The following CSMD3 variants were observed in gnomAD, a reference collection of about 807,000 sequenced individuals.
CSMD3 encodes CUB and Sushi multiple domains 3, also known as CUB and sushi domain-containing protein 3.
In CSMD3, 177 loss-of-function variants were observed where a neutral mutation model predicts 435.2. That is an observed-to-expected ratio of 0.41 (90% CI 0.36 to 0.46). The LOEUF (loss-of-function observed/expected upper bound fraction) is 0.46, where lower values mean the gene tolerates loss of function less well. Among genes scored for constraint, CSMD3 ranks in the 20% least tolerant of loss-of-function variants. The pLI is 0.34. For missense variants in CSMD3, 4,265 were observed against 4,504.6 expected (o/e 0.95, Z 1.52); for synonymous variants, 1,656 against 1,520.5 (o/e 1.09, Z -2.07).
intron 32 of CSMD3, among the ~76,000 whole-genome samples, chr8:112,435,895 T>G (rs1814281670): frequency 6.6e-6 from 1 of 152,006 alleles, no homozygotes; most frequent in African/African-American, 2.4e-5. Context: ...TGAAAAGATG[T>G]TTTCATTTTT....
intron 45 of CSMD3, among the ~76,000 whole-genome samples, chr8:112,328,422 AG>A (rs1301621405): frequency 2.0e-5 from 3 of 152,232 alleles, no homozygotes; most frequent in African/African-American, 7.2e-5. Flanking sequence ...GTGTTCCAGC[AG>A]GGTTTAAATT....
chr8:112,396,789 A>G (rs1406426481), intron 35 of CSMD3, among the ~76,000 whole-genome samples: 1 of 152,202 alleles, frequency 6.6e-6, no homozygotes, highest in Non-Finnish European at 1.5e-5. Flanking sequence ...CAAAAATTAT[A>G]CATAATACAG....
intron 6 of CSMD3, among the ~76,000 whole-genome samples, chr8:112,981,017 G>A (rs1313836418): frequency 1.3e-5 from 2 of 151,230 alleles, no homozygotes; most frequent in African/African-American, 4.8e-5. Context: ...CTGACTAGGA[G>A]AATTTTAAGT....
intron 45 of CSMD3, among the ~76,000 whole-genome samples, chr8:112,322,016 G>A (rs903885339): frequency 3.9e-5 from 6 of 152,094 alleles, no homozygotes; most frequent in African/African-American, 1.4e-4. Context: ...GAAGATAGGG[G>A]GAGCCTAAAC....
intron 1 of CSMD3, among the ~76,000 whole-genome samples, chr8:113,337,134 TATTTA>T (rs1238163207): frequency 6.6e-6 from 1 of 152,144 alleles, no homozygotes; most frequent in Admixed American, 6.6e-5. Flanking sequence ...GTTACTGGCT[TATTTA>T]AGCCTGAGAC....
chr8:112,419,954 T>A (rs190646083), intron 32 of CSMD3, among the ~76,000 whole-genome samples: 2 of 152,334 alleles, frequency 1.3e-5, no homozygotes, highest in African/African-American at 4.8e-5. Context: ...ATAAAAAGTT[T>A]AAAGTGTTCA....
chr8:113,081,670 G>T (rs1261724966), intron 5 of CSMD3, among the ~76,000 whole-genome samples: 5 of 151,988 alleles, frequency 3.3e-5, no homozygotes, highest in Admixed American at 2.6e-4. Flanking sequence ...ACTACATCTT[G>T]CCCTGGGGCT....
At chr8:112,380,312 G>C (rs1387091645) in intron 38 of CSMD3, 40 bp downstream of exon 38, 1 of 1,075,118 alleles carries the variant, frequency 9.3e-7, no homozygotes, top group Admixed American at 1.7e-5. Context: ...ATATAAACTT[G>C]TTCTTAACCT....
rs558416598 is a variant in CSMD3, at chr8:112,580,606, GGT to G, written c.3885+6458_3885+6459del. Reference sequence around the variant, plus strand: ...TCCTGAGCCAGCCACATGGAATTCTGGTGTAACTCAGTGTCATATACAGAGTA... The same window carrying G: ...TCCTGAGCCAGCCACATGGAATTCTGGTAACTCAGTGTCATATACAGAGTA... On this transcript the variant is annotated intron_variant, in intron 23 of 70. Coordinates refer to ENST00000297405, the MANE Select transcript of CSMD3 (RefSeq NM_198123.2). Among the ~76,000 whole-genome samples the G allele has an allele frequency of 3.7e-3, 557 of 151,760 alleles. 3 individuals carry two copies. Among genetic ancestry groups the G allele is most frequent in the Non-Finnish European group, 5.6e-3 (383 of 67,928 alleles).
chr8:112,224,402 T>C lies in CSMD3; in HGVS notation c.*369A>G, dbSNP rs1812388402. ...CTCTTGTAAGTATAGCTCTTATTTC[T>C]ACCCTATATCTTTTTTTTTAAACCC... On this transcript the variant is annotated 3_prime_UTR_variant, in exon 71 of 71. Transcript: ENST00000297405. 6 of 301,856 alleles carry C rather than the reference T, an allele frequency of 2.0e-5. No homozygotes were observed. Among genetic ancestry groups the C allele is most frequent in the South Asian group, 2.0e-4 (6 of 30,626 alleles). 18.7% of individuals were successfully genotyped at this position (301,856 alleles called of 1,614,324 possible). A position where few individuals can be genotyped will look rare whatever the true frequency, so the allele number is the denominator to read the frequency against.
intron 4 of CSMD3, among the ~76,000 whole-genome samples, chr8:113,107,461 G>T (rs2090513668): frequency 6.6e-6 from 1 of 152,152 alleles, no homozygotes; most frequent in African/African-American, 2.4e-5. Context: ...TTGGTTCTAG[G>T]ATCTATTATG....
chr8:112,379,719 C>G (rs1829294631), intron 38 of CSMD3, among the ~76,000 whole-genome samples: 1 of 152,096 alleles, frequency 6.6e-6, no homozygotes, highest in Admixed American at 6.5e-5. Flanking sequence ...CCAAAGAATT[C>G]TGGAGCAAGA....
At chr8:113,393,010 T>G (rs74341057) in intron 1 of CSMD3, among the ~76,000 whole-genome samples, 1 of 151,706 alleles carries the variant, frequency 6.6e-6, no homozygotes, top group Non-Finnish European at 1.5e-5. Context: ...TACACATGTG[T>G]TTTTTTACAT....
chr8:112,430,896 A>G (rs200322909), intron 32 of CSMD3, among the ~76,000 whole-genome samples: 202 of 148,690 alleles, frequency 1.4e-3, no homozygotes, highest in African/African-American at 4.6e-3. Flanking sequence ...TTGTGTGTAT[A>G]TGTGTGTGTG....
intron 38 of CSMD3, among the ~76,000 whole-genome samples, chr8:112,356,405 C>T (rs1826603433): frequency 6.6e-6 from 1 of 151,998 alleles, no homozygotes; most frequent in Admixed American, 6.6e-5. Flanking sequence ...TTAATGCAGG[C>T]ATAAAAAACC....
intron 54 of CSMD3, among the ~76,000 whole-genome samples, chr8:112,294,540 A>G (rs1159698951): frequency 6.6e-6 from 1 of 152,110 alleles, no homozygotes; most frequent in East Asian, 1.9e-4. Flanking sequence ...ACTTACGGGG[A>G]TTCTGAGATG....
intron 10 of CSMD3, among the ~76,000 whole-genome samples, chr8:112,899,638 T>TATATATATATATAC (rs1309592432): frequency 6.8e-5 from 8 of 118,452 alleles, no homozygotes; most frequent in African/African-American, 2.6e-4. Flanking sequence ...TATATGTATA[T>TATATATATATATAC]ACATATATGT....
At chr8:113,249,940 C>T (rs142587806) in intron 3 of CSMD3, among the ~76,000 whole-genome samples, 1 of 151,804 alleles carries the variant, frequency 6.6e-6, no homozygotes, top group Non-Finnish European at 1.5e-5. Flanking sequence ...CAGAAACAGA[C>T]TAATTGTAGA....
chr8:112,973,021 G>T (rs557645967), intron 7 of CSMD3, among the ~76,000 whole-genome samples: 1 of 151,888 alleles, frequency 6.6e-6, no homozygotes, highest in Non-Finnish European at 1.5e-5. Flanking sequence ...ACAGTGTTTG[G>T]CTAATTAAAA....
Sources: allele counts gnomAD v4.1 joint callset (sites outside exome capture counted in the v4.1 genomes callset), GRCh38; gene constraint gnomAD v4.1.1; transcripts MANE v1.5; gene names NCBI Gene and HGNC (gene_info 2026-07-23, HGNC 2026-07-21).